The following METTL16 variants were observed in gnomAD, a reference collection of about 807,000 sequenced individuals.
METTL16 encodes RNA N(6)-adenosine-methyltransferase METTL16.
In METTL16, 19 loss-of-function variants were observed where a neutral mutation model predicts 57.9. That is an observed-to-expected ratio of 0.33 (90% CI 0.23 to 0.48). The LOEUF (loss-of-function observed/expected upper bound fraction) is 0.48. Among genes scored for constraint, METTL16 ranks in the 20% least tolerant of loss-of-function variants. The pLI, the probability that METTL16 is intolerant of heterozygous loss-of-function variation, is 0.99. For synonymous variants in METTL16, 246 were observed against 255.6 expected (o/e 0.96, Z 0.36); for missense variants, 434 against 691.5 (o/e 0.63, Z 4.18).
chr17:2,468,446 C>T (rs1184247223), intron 4 of METTL16, among the ~76,000 whole-genome samples: 1 of 152,172 alleles, frequency 6.6e-6, no homozygotes, highest in African/African-American at 2.4e-5. Flanking sequence ...AAATCTCTAC[C>T]ACCCATACAT....
rs1230202968 is a variant in METTL16 at position 2,420,836 on chromosome 17, G to A, written c.957C>T (p.Ser319=). ...RKPITFVVLA[S]VMKELSLKAS... is the part of the protein sequence containing the mutation. ...CTTTGAGGGATAATTCCTTCATCAC[G>A]GACGCCAGCACCACGAATGTTATGG... Residue 319 remains serine (S), a synonymous_variant, in exon 9 of 10, where the codon TCC becomes TCT. Transcript: ENST00000263092. The surrounding 1 kb of genome is among the most constrained non-coding windows in gnomAD (Gnocchi z 5.4). The A allele has an allele frequency of 1.9e-6, 3 of 1,614,018 alleles. No homozygotes were observed. The highest frequency in any genetic ancestry group is 1.7e-5 in the Admixed American group (1 of 60,002).
intron 6 of METTL16, among the ~76,000 whole-genome samples, chr17:2,455,858 G>A (rs900995926): frequency 1.3e-5 from 2 of 151,974 alleles, no homozygotes; most frequent in Admixed American, 6.6e-5. Flanking sequence ...TGTTGTGCAC[G>A]TATAGTCCTA....
chr17:2,455,706 G>C (rs980904302), intron 6 of METTL16, among the ~76,000 whole-genome samples: 2 of 152,140 alleles, frequency 1.3e-5, no homozygotes, highest in African/African-American at 4.8e-5. Context: ...AAGGCCAGGT[G>C]CAATGGTTCA....
intron 1 of METTL16, among the ~76,000 whole-genome samples, chr17:2,503,895 G>A (rs866112008): frequency 3.6e-4 from 55 of 151,246 alleles, no homozygotes; most frequent in Middle Eastern, 7.0e-3. Context: ...AACAAAATAC[G>A]GTATATCCAT....
chr17:2,488,804 G>T (rs558318329), intron 2 of METTL16, among the ~76,000 whole-genome samples: 1 of 152,198 alleles, frequency 6.6e-6, no homozygotes, highest in East Asian at 1.9e-4. Context: ...GATTAAGATG[G>T]GACATTCTAC....
At chr17:2,505,300 T>G (rs1272017386) in intron 1 of METTL16, among the ~76,000 whole-genome samples, 1 of 151,408 alleles carries the variant, frequency 6.6e-6, no homozygotes, top group Non-Finnish European at 1.5e-5. Flanking sequence ...TAGTTTCTCA[T>G]ATCCAAGAAA....
intron 6 of METTL16, among the ~76,000 whole-genome samples, chr17:2,452,748 T>C (rs1248879080): frequency 1.3e-5 from 2 of 152,238 alleles, no homozygotes; most frequent in African/African-American, 4.8e-5. Context: ...TGTGTATGTG[T>C]TTTTTCCTAA....
intron 8 of METTL16, among the ~76,000 whole-genome samples, chr17:2,435,010 G>A (rs1481987619): frequency 1.3e-5 from 2 of 152,194 alleles, no homozygotes; most frequent in African/African-American, 4.8e-5. Context: ...GCGGAGAGCT[G>A]GAACAAAGAG....
intron 2 of METTL16, 144 bp downstream of exon 2, chr17:2,502,060 G>A (rs1000738150): frequency 1.3e-6 from 1 of 757,782 alleles, no homozygotes; most frequent in Non-Finnish European, 2.1e-6. Flanking sequence ...AAAAAGCTGA[G>A]ACCAAGAGAG....
chr17:2,501,353 C>T (rs1197534375), intron 2 of METTL16, among the ~76,000 whole-genome samples: 2 of 152,054 alleles, frequency 1.3e-5, no homozygotes, highest in Non-Finnish European at 1.5e-5. Flanking sequence ...AGCTTGAGCC[C>T]AGGAGTTCAA....
At chr17:2,484,495 GTTC>G (rs1463132090) in intron 2 of METTL16, among the ~76,000 whole-genome samples, 4 of 151,164 alleles carry the variant, frequency 2.6e-5, no homozygotes, top group Non-Finnish European at 4.4e-5. Context: ...CCACTACTCT[GTTC>G]TTTTTTTTTT....
intron 2 of METTL16, among the ~76,000 whole-genome samples, chr17:2,478,783 A>G (rs2067284253): frequency 6.6e-6 from 1 of 152,220 alleles, no homozygotes; most frequent in Admixed American, 6.5e-5. Context: ...AGGTTCATCC[A>G]TTTTGTAACT....
intron 6 of METTL16, among the ~76,000 whole-genome samples, chr17:2,453,080 G>C (rs1013092047): frequency 6.6e-6 from 1 of 152,076 alleles, no homozygotes; most frequent in Non-Finnish European, 1.5e-5. Flanking sequence ...GGCTGGTCTT[G>C]AACTCCTGAC....
chr17:2,424,069 A>AT (rs1443196669), intron 8 of METTL16: 1 of 151,590 alleles, frequency 6.6e-6, no homozygotes, highest in African/African-American at 2.4e-5. Flanking sequence ...ATTCCTGAAG[A>AT]TTTTTTAAAA....
intron 2 of METTL16, among the ~76,000 whole-genome samples, chr17:2,478,986 G>A (rs1189878517): frequency 2.6e-5 from 4 of 152,110 alleles, no homozygotes; most frequent in Admixed American, 2.6e-4. Context: ...CGTTTTCGCT[G>A]CTCTTGGGTA....
intron 1 of METTL16, among the ~76,000 whole-genome samples, chr17:2,505,294 T>C (rs2067522298): frequency 6.6e-6 from 1 of 151,812 alleles, no homozygotes; most frequent in Non-Finnish European, 1.5e-5. Context: ...AGTTGATAGT[T>C]TCTCATATCC....
Position 2,439,123 on chromosome 17 carries a change from T to C in METTL16, c.799-925A>G. ...TTTATTTTATTTAAAAGAAAATTTTTTGGGGAGACAGGGTCTCGCTCTGTC... is the reference window on the plus strand; with the variant it reads ...TTTATTTTATTTAAAAGAAAATTTTCTGGGGAGACAGGGTCTCGCTCTGTC... On this transcript the variant is annotated intron_variant, in intron 7 of 9. Transcript: ENST00000263092. Among the ~76,000 whole-genome samples, 2 of 152,110 alleles carry C rather than the reference T, an allele frequency of 1.3e-5. 1 individual carries two copies. Among genetic ancestry groups the C allele is most frequent in the Non-Finnish European group, 2.9e-5 (2 of 68,020 alleles).
chr17:2,490,408 G>A (rs919523200), intron 2 of METTL16, among the ~76,000 whole-genome samples: 4 of 152,048 alleles, frequency 2.6e-5, no homozygotes, highest in South Asian at 2.1e-4. Flanking sequence ...AGAAGACGAC[G>A]AATGATTGTA....
chr17:2,446,504 C>G (rs1360319210), intron 6 of METTL16, among the ~76,000 whole-genome samples: 1 of 152,146 alleles, frequency 6.6e-6, no homozygotes, highest in Non-Finnish European at 1.5e-5. Flanking sequence ...TTGTTGGGGC[C>G]AGGTGCAGTG....
Sources: allele counts gnomAD v4.1 joint callset (sites outside exome capture counted in the v4.1 genomes callset), GRCh38; gene constraint gnomAD v4.1.1; non-coding constraint Gnocchi (gnomAD v3.1); transcripts MANE v1.5; gene names NCBI Gene and HGNC (gene_info 2026-07-23, HGNC 2026-07-21).